The following RPA1 variants were observed in gnomAD, a reference collection of about 807,000 sequenced individuals.
RPA1 encodes the protein replication protein A1, also known as replication protein A 70 kDa DNA-binding subunit.
In RPA1, 49 loss-of-function variants were observed where a neutral mutation model predicts 83.0. The ratio of observed to expected loss-of-function variants is 0.59; its 90% CI spans 0.47 to 0.75. RPA1 has a LOEUF of 0.75. Among genes scored for constraint, RPA1 ranks in the 30% least tolerant of loss-of-function variants. The probability of loss-of-function intolerance (pLI) is 0.00; values close to 1 mark genes in which losing one functional copy is unlikely to be tolerated. For synonymous variants in RPA1, 279 were observed against 281.8 expected (o/e 0.99, Z 0.10); for missense variants, 693 against 776.1 (o/e 0.89, Z 1.27).
At chr17:1,886,246 A>G (rs1465896131) in intron 13 of RPA1, among the ~76,000 whole-genome samples, 1 of 152,226 alleles carries the variant, frequency 6.6e-6, no homozygotes, top group African/African-American at 2.4e-5. Flanking sequence ...GGCTTAAAAT[A>G]TTCAATAAAC....
At chr17:1,864,087 TCTC>T (rs1423900165) in intron 5 of RPA1, among the ~76,000 whole-genome samples, 2 of 152,354 alleles carry the variant, frequency 1.3e-5, no homozygotes, top group East Asian at 3.9e-4. Flanking sequence ...CCGCTGTGTA[TCTC>T]CTCCTTCCCA....
Position 1,888,618 on chromosome 17 carries a change from G to T in RPA1, c.1375-57G>T. 2.6e-6 allele frequency: 4 copies of T among 1,552,574 alleles called. No homozygotes were observed. In the Admixed American group the frequency reaches 7.1e-5, roughly 28 times the overall value. ...AGGGCAGGCTTTGAGCTGCCTCTCGGTCCGATCCTGGGCGGGCTCGCGACT... is the reference window on the plus strand; with the variant it reads ...AGGGCAGGCTTTGAGCTGCCTCTCGTTCCGATCCTGGGCGGGCTCGCGACT... On this transcript the variant is annotated intron_variant, in intron 13 of 16. Coordinates refer to ENST00000254719, the MANE Select transcript of RPA1 (RefSeq NM_002945.5).
At position 1,834,187 on chromosome 17, in the gene RPA1, TAAAG is replaced by T. The variant is rs1264650050; in HGVS notation, c.33+4064_33+4067del. Among the ~76,000 whole-genome samples, 3 of 151,908 alleles carry T rather than the reference TAAAG, an allele frequency of 2.0e-5. No individual in the cohort carries two copies. The East Asian group carries it at 5.8e-4, about 29-fold the overall frequency. ...AGAGTGAGACTGTCTCAAAAAAAAA[TAAAG>T]AATGATCATGGAGATATTTAAATAA... On this transcript the variant is annotated intron_variant, in intron 1 of 16. Coordinates refer to ENST00000254719, the MANE Select transcript of RPA1 (RefSeq NM_002945.5).
At chr17:1,862,198 T>C (rs1338885432) in intron 5 of RPA1, among the ~76,000 whole-genome samples, 2 of 50,556 alleles carry the variant, frequency 4.0e-5, no homozygotes, top group East Asian at 7.7e-4. Flanking sequence ...AACCGTATTT[T>C]TTTTTTTTTT....
chr17:1,837,653 A>G (rs1911876180), intron 1 of RPA1, among the ~76,000 whole-genome samples: 2 of 152,120 alleles, frequency 1.3e-5, no homozygotes, highest in South Asian at 4.2e-4. Context: ...CTGTGCTTTT[A>G]TTTGTATTTC....
chr17:1,887,056 C>T (rs1597457718), intron 13 of RPA1, among the ~76,000 whole-genome samples: 1 of 152,130 alleles, frequency 6.6e-6, no homozygotes, highest in African/African-American at 2.4e-5. Context: ...AATGTTGTGG[C>T]TTGCTTGATA....
intron 5 of RPA1, among the ~76,000 whole-genome samples, chr17:1,855,280 A>G (rs1006604596): frequency 1.3e-5 from 2 of 151,986 alleles, no homozygotes; most frequent in African/African-American, 4.8e-5. Context: ...CTCGTGCCTC[A>G]GCCTCAGAGT....
chr17:1,865,522 G>A (rs1913142828), intron 5 of RPA1, among the ~76,000 whole-genome samples: 2 of 152,058 alleles, frequency 1.3e-5, no homozygotes, highest in Non-Finnish European at 2.9e-5. Flanking sequence ...TAGATAATAT[G>A]GTTAAATGAT....
chr17:1,869,446 G>A (rs544076627), intron 5 of RPA1, among the ~76,000 whole-genome samples: 3 of 152,202 alleles, frequency 2.0e-5, no homozygotes, highest in East Asian at 1.9e-4. Flanking sequence ...GCTGAGGCAG[G>A]AGAATCTCTT....
Position 1,884,075 on chromosome 17 carries a change from T to C in RPA1, c.1374+131T>C. 7 of 1,273,908 alleles carry C rather than the reference T, an allele frequency of 5.5e-6. No individual in the cohort carries two copies. The highest frequency in any genetic ancestry group is 7.6e-6 in the Non-Finnish European group (7 of 923,170). 78.9% of individuals were successfully genotyped at this position (1,273,908 alleles called of 1,614,324 possible). ...CCGGGGCTGTGACCTGAGCGTGGCATGGGGGTTGAGAATCACTGGCAGAGG... is the reference window on the plus strand; with the variant it reads ...CCGGGGCTGTGACCTGAGCGTGGCACGGGGGTTGAGAATCACTGGCAGAGG... On this transcript the variant is annotated intron_variant, in intron 13 of 16. Coordinates refer to ENST00000254719, the MANE Select transcript of RPA1 (RefSeq NM_002945.5). The surrounding 1 kb of genome is among the most constrained non-coding windows in gnomAD (Gnocchi z 4.1).
intron 13 of RPA1, among the ~76,000 whole-genome samples, chr17:1,885,857 A>G (rs1294340609): frequency 1.3e-5 from 2 of 152,226 alleles, no homozygotes; most frequent in African/African-American, 2.4e-5. Context: ...TGTCTCTTAG[A>G]CTTAAAAAGT....
Position 1,884,041 on chromosome 17 carries a change from A to C in RPA1, c.1374+97A>C. 2.6e-6 allele frequency: 4 copies of C among 1,535,192 alleles called. No individual in the cohort carries two copies. The highest frequency in any genetic ancestry group is 3.6e-6 in the Non-Finnish European group (4 of 1,126,132). ...TTCCAGCACCAGCTGTCAGAGCCGT[A>C]ATTCTTACCCGGGGCTGTGACCTGA... On this transcript the variant is annotated intron_variant, in intron 13 of 16. Transcript: ENST00000254719. The surrounding 1 kb of genome is among the most constrained non-coding windows in gnomAD (Gnocchi z 4.1).
chr17:1,868,279 A>G (rs138587546), intron 5 of RPA1, among the ~76,000 whole-genome samples: 60 of 152,318 alleles, frequency 3.9e-4, no homozygotes, highest in African/African-American at 1.3e-3. Flanking sequence ...GCTTTCTTAT[A>G]GTGACTTCTA....
Position 1,872,438 on chromosome 17 carries a change from C to T in RPA1, c.366C>T (p.Leu122=), listed in dbSNP as rs543889382. 164 of 1,613,622 alleles carry T rather than the reference C, an allele frequency of 1.0e-4. No homozygotes were observed. The highest frequency in any genetic ancestry group is 1.3e-4 in the Non-Finnish European group (152 of 1,179,948). Residue 122 remains leucine (L), a synonymous_variant, in exon 6 of 17, where the codon CTC becomes CTT. Transcript: ENST00000254719. ...IGNPVPYNEG[L]GQPQVAPPAP... is the part of the protein sequence containing the mutation. ...GGTTTCCCTTTTGATCTTCAGGACT[C>T]GGGCAGCCGCAAGTAGCTCCTCCAG...
At chr17:1,876,960 GGAGA>G (rs2151285988) in intron 7 of RPA1, among the ~76,000 whole-genome samples, 1 of 152,310 alleles carries the variant, frequency 6.6e-6, no homozygotes, top group Non-Finnish European at 1.5e-5. Flanking sequence ...TTTGGAGAAG[GGAGA>G]GAGTTTATAA....
chr17:1,846,626 A>G (rs567708740), intron 4 of RPA1, among the ~76,000 whole-genome samples: 55 of 152,052 alleles, frequency 3.6e-4, no homozygotes, highest in Middle Eastern at 3.4e-3. Flanking sequence ...GGCCGTCCAT[A>G]TTCTTTTTTC....
At chr17:1,857,046 C>T (rs1414561270) in intron 5 of RPA1, among the ~76,000 whole-genome samples, 14 of 151,878 alleles carry the variant, frequency 9.2e-5, no homozygotes, top group Admixed American at 7.2e-4. Flanking sequence ...AGTTCATTGA[C>T]TTGAGATCTT....
intron 12 of RPA1, among the ~76,000 whole-genome samples, chr17:1,881,089 T>A (rs1379845074): frequency 6.6e-6 from 1 of 152,200 alleles, no homozygotes; most frequent in Non-Finnish European, 1.5e-5. Flanking sequence ...GATCACATCT[T>A]CTAGTGTGTA....
intron 7 of RPA1, 145 bp from the exon 8 acceptor site, chr17:1,877,067 A>C: frequency 1.4e-6 from 1 of 701,244 alleles, no homozygotes; most frequent in Non-Finnish European, 2.5e-6. Flanking sequence ...CCCATGTGTC[A>C]TCTTGGGGTT....
Sources: allele counts gnomAD v4.1 joint callset (sites outside exome capture counted in the v4.1 genomes callset), GRCh38; gene constraint gnomAD v4.1.1; non-coding constraint Gnocchi (gnomAD v3.1); transcripts MANE v1.5; gene names NCBI Gene and HGNC (gene_info 2026-07-23, HGNC 2026-07-21).